CPNE8: variants seen among roughly 807,000 people sequenced by gnomAD.
CPNE8 encodes the protein copine 8.
CPNE8 carries 45 observed loss-of-function variants against 81.5 expected under a neutral mutation model. The ratio of observed to expected loss-of-function variants is 0.55; its 90% CI spans 0.44 to 0.71. CPNE8 has a LOEUF of 0.71. Among genes scored for constraint, CPNE8 ranks in the 30% least tolerant of loss-of-function variants. CPNE8 has a pLI of 0.00. For missense variants in CPNE8, 594 were observed against 672.1 expected, an observed-to-expected ratio of 0.88 and a Z score of 1.28; for synonymous variants, 252 against 226.3, an observed-to-expected ratio of 1.11 and a Z score of -1.02.
At chr12:38,819,195 T>C (rs1315812539) in intron 6 of CPNE8, among the ~76,000 whole-genome samples, 1 of 152,192 alleles carries the variant, frequency 6.6e-6, no homozygotes, top group South Asian at 2.1e-4. Flanking sequence ...GTTTTAGTCA[T>C]GAAGTCTTTG....
At chr12:38,806,161 T>C (rs1942796569) in intron 6 of CPNE8, among the ~76,000 whole-genome samples, 1 of 150,306 alleles carries the variant, frequency 6.7e-6, no homozygotes, top group Admixed American at 6.6e-5. Context: ...CACAGCTGAA[T>C]TCTACCAGAG....
intron 1 of CPNE8, among the ~76,000 whole-genome samples, chr12:38,879,919 G>A (rs1390322198): frequency 6.6e-6 from 1 of 151,814 alleles, no homozygotes; most frequent in Non-Finnish European, 1.5e-5. Context: ...ATTCCAAAAA[G>A]CACTGTGACC....
intron 15 of CPNE8, among the ~76,000 whole-genome samples, chr12:38,689,931 T>A (rs1939636620): frequency 6.6e-6 from 1 of 152,212 alleles, no homozygotes; most frequent in African/African-American, 2.4e-5. Flanking sequence ...ATGGTAATAT[T>A]AGGAAATTCT....
At chr12:38,857,006 A>G (rs1036572875) in intron 3 of CPNE8, among the ~76,000 whole-genome samples, 1 of 152,052 alleles carries the variant, frequency 6.6e-6, no homozygotes, top group African/African-American at 2.4e-5. Context: ...TTGATAAAAA[A>G]TACTCTTTTT....
At chr12:38,843,905 G>A (rs532595685) in intron 4 of CPNE8, among the ~76,000 whole-genome samples, 7 of 152,210 alleles carry the variant, frequency 4.6e-5, no homozygotes, top group African/African-American at 1.7e-4. Context: ...AATGAAGTTT[G>A]AGATTAAGGT....
At chr12:38,682,723 A>C (rs73269146) in intron 16 of CPNE8, among the ~76,000 whole-genome samples, 2,081 of 152,362 alleles carry the variant, frequency 0.014, 48 homozygotes, top group African/African-American at 0.046. Context: ...GTAACCACAG[A>C]GTAGTATCAA....
At chr12:38,691,186 G>T (rs748039950) in intron 15 of CPNE8, among the ~76,000 whole-genome samples, 1 of 152,170 alleles carries the variant, frequency 6.6e-6, no homozygotes, top group African/African-American at 2.4e-5. Context: ...ATGGGGTTTA[G>T]CTGTAGTTAA....
upstream of CPNE8, chr12:38,906,642 C>G: frequency 7.1e-6 from 7 of 981,476 alleles, no homozygotes; most frequent in Non-Finnish European, 8.5e-6. Flanking sequence ...AAACTGCATT[C>G]CAGGGCAGCA....
At chr12:38,658,199 C>A (rs1488359710) in intron 19 of CPNE8, among the ~76,000 whole-genome samples, 1 of 152,060 alleles carries the variant, frequency 6.6e-6, no homozygotes, top group African/African-American at 2.4e-5. Flanking sequence ...GTAGAGAAGA[C>A]CTTAAATGAC....
chr12:38,891,530 C>T (rs11832454), intron 1 of CPNE8, among the ~76,000 whole-genome samples: 8,004 of 151,850 alleles, frequency 0.053, 669 homozygotes, highest in African/African-American at 0.18. Flanking sequence ...TCACCACAAC[C>T]TCCACTTCCC....
rs1020412184 is a variant in CPNE8 at position 38,878,288 on chromosome 12, C to T, written c.99-3777G>A. Among the ~76,000 whole-genome samples, 3 of 152,192 alleles carry T rather than the reference C, an allele frequency of 2.0e-5. No individual in the cohort carries two copies. In the South Asian group the frequency reaches 6.2e-4, roughly 31 times the overall value. On this transcript the variant is annotated intron_variant, in intron 1 of 19. Transcript: ENST00000331366. Reference sequence around the variant, plus strand: ...ATCTTTCTTGGGCAACATCCAAGAACCCTTTCTTGGGGTCTGGATCGGGAC... The same window carrying T: ...ATCTTTCTTGGGCAACATCCAAGAATCCTTTCTTGGGGTCTGGATCGGGAC...
intron 7 of CPNE8, among the ~76,000 whole-genome samples, chr12:38,768,696 A>T (rs910529985): frequency 5.2e-4 from 74 of 143,096 alleles, no homozygotes; most frequent in Middle Eastern, 3.5e-3. Flanking sequence ...ATTTTTTTGT[A>T]TTTTTTTTTT....
intron 6 of CPNE8, among the ~76,000 whole-genome samples, chr12:38,821,222 A>T (rs1481755482): frequency 6.6e-6 from 1 of 152,194 alleles, no homozygotes; most frequent in Non-Finnish European, 1.5e-5. Flanking sequence ...TAGTTGCATG[A>T]TTATTCATTT....
chr12:38,748,581 A>G (rs889980266), intron 10 of CPNE8, among the ~76,000 whole-genome samples: 41 of 151,870 alleles, frequency 2.7e-4, no homozygotes, highest in African/African-American at 9.4e-4. Flanking sequence ...GCTCACTGCA[A>G]GCTCTGCCTC....
intron 10 of CPNE8, among the ~76,000 whole-genome samples, chr12:38,752,574 C>T (rs542207424): frequency 1.2e-4 from 19 of 152,162 alleles, no homozygotes; most frequent in Non-Finnish European, 2.5e-4. Context: ...TTTTCAATAT[C>T]ACCTCTGGTA....
At chr12:38,764,616 CAAAAAAAA>C (rs1247038606) in intron 8 of CPNE8, among the ~76,000 whole-genome samples, 1 of 45,104 alleles carries the variant, frequency 2.2e-5, no homozygotes, top group Non-Finnish European at 4.4e-5. Context: ...GACTCCGTCT[CAAAAAAAA>C]AAAAAAAAAA....
chr12:38,776,167 G>C, intron 7 of CPNE8, 71 bp downstream of exon 7: 2 of 712,558 alleles, frequency 2.8e-6, no homozygotes, highest in South Asian at 5.9e-5. Flanking sequence ...AAATTAATTA[G>C]TTAAGTACAA....
intron 10 of CPNE8, among the ~76,000 whole-genome samples, chr12:38,752,356 A>G (rs951127617): frequency 6.6e-6 from 1 of 152,136 alleles, no homozygotes; most frequent in African/African-American, 2.4e-5. Flanking sequence ...AAATACAAAG[A>G]TATCTATCTA....
intron 5 of CPNE8, among the ~76,000 whole-genome samples, chr12:38,830,153 C>T (rs1047832505): frequency 3.3e-5 from 5 of 152,032 alleles, no homozygotes; most frequent in African/African-American, 1.2e-4. Context: ...CTCAGAATAA[C>T]CCTGTAAATG....
Sources: gnomAD v4.1 joint callset for allele counts (sites outside exome capture counted in the v4.1 genomes callset) on GRCh38, gnomAD v4.1.1 for gene constraint, MANE v1.5 for transcripts, NCBI Gene and HGNC (gene_info 2026-07-23, HGNC 2026-07-21) for gene names.